ABTB2: variants seen among roughly 807,000 people sequenced by gnomAD.
The protein encoded by ABTB2 is ankyrin repeat and BTB domain containing 2, also known as ankyrin repeat and BTB/POZ domain-containing protein 2.
Under a neutral mutation model 104.1 loss-of-function variants are expected in ABTB2, and 56 were observed. That is an observed-to-expected ratio of 0.54 (90% CI 0.43 to 0.67). The LOEUF is 0.67. ABTB2 is among the 30% of genes least tolerant of loss of function. The pLI is 0.00. For synonymous variants in ABTB2, 606 were observed against 608.2 expected, an observed-to-expected ratio of 1.00 and a Z score of 0.05; for missense variants, 1,279 against 1,407.7, an observed-to-expected ratio of 0.91 and a Z score of 1.46.
At chr11:34,285,089 C>A (rs930248720) in intron 1 of ABTB2, among the ~76,000 whole-genome samples, 1 of 152,210 alleles carries the variant, frequency 6.6e-6, no homozygotes, top group African/African-American at 2.4e-5. Context: ...GGCCCAAGAA[C>A]AGCCCTGGCA....
intron 3 of ABTB2, among the ~76,000 whole-genome samples, chr11:34,181,532 C>A (rs776968957): frequency 6.6e-6 from 1 of 152,176 alleles, no homozygotes; most frequent in African/African-American, 2.4e-5. Context: ...TGAGGCCAGC[C>A]GGTTTGTGCC....
At chr11:34,254,323 C>T (rs59896943) in intron 1 of ABTB2, among the ~76,000 whole-genome samples, 2 of 152,138 alleles carry the variant, frequency 1.3e-5, no homozygotes, top group African/African-American at 4.8e-5. Context: ...TCACAGCTCA[C>T]TGCAGCCTCA....
At chr11:34,205,415 CTA>C (rs1371700662) in intron 1 of ABTB2, among the ~76,000 whole-genome samples, 1 of 152,230 alleles carries the variant, frequency 6.6e-6, no homozygotes, top group African/African-American at 2.4e-5. Flanking sequence ...CTCCAACTCA[CTA>C]TGTGGCTTCT....
chr11:34,234,573 C>G (rs1195670564), intron 1 of ABTB2, among the ~76,000 whole-genome samples: 1 of 152,218 alleles, frequency 6.6e-6, no homozygotes, highest in Non-Finnish European at 1.5e-5. Context: ...CAAAGTCCAG[C>G]ATTGTGAGAA....
At chr11:34,325,230 A>G (rs1482181285) in intron 1 of ABTB2, among the ~76,000 whole-genome samples, 1 of 152,166 alleles carries the variant, frequency 6.6e-6, no homozygotes, top group Non-Finnish European at 1.5e-5. Context: ...CTAGTTTGGG[A>G]AAAAAGAGCC....
chr11:34,328,937 C>A lies in ABTB2; in HGVS notation c.883+27764G>T, dbSNP rs1855100026. 3.9e-5 allele frequency among the ~76,000 whole-genome samples: 6 copies of A among 152,114 alleles called. No homozygotes were observed. The South Asian group carries it at 1.2e-3, about 32-fold the overall frequency. On this transcript the variant is annotated intron_variant, in intron 1 of 16. Coordinates refer to ENST00000435224, the MANE Select transcript of ABTB2 (RefSeq NM_145804.3). ...ATAATTGTCAACACTCAGTTTAGACCAAACAGTTGAACTAAAACTTCAAGT... is the reference window on the plus strand; with the variant it reads ...ATAATTGTCAACACTCAGTTTAGACAAAACAGTTGAACTAAAACTTCAAGT...
At position 34,274,972 on chromosome 11, in the gene ABTB2, C is replaced by T. The variant is rs115692215; in HGVS notation, c.884-70282G>A. On this transcript the variant is annotated intron_variant, in intron 1 of 16. Coordinates refer to ENST00000435224, the MANE Select transcript of ABTB2 (RefSeq NM_145804.3). ...CCAGCAGCCTGGATGCTCCGACTCC[C>T]GCCTGGGGCCTGAATCCTGGCCTCT... Among the ~76,000 whole-genome samples the T allele has an allele frequency of 3.5e-3, 528 of 152,254 alleles. 2 individuals are homozygous for T. Among genetic ancestry groups the T allele is most frequent in the African/African-American group, 0.012 (510 of 41,566 alleles).
intron 1 of ABTB2, among the ~76,000 whole-genome samples, chr11:34,279,428 T>A (rs903419232): frequency 6.6e-6 from 1 of 152,092 alleles, no homozygotes; most frequent in African/African-American, 2.4e-5. Context: ...CTCATTATAA[T>A]CCTATAAAGA....
chr11:34,324,370 A>C (rs984951547), intron 1 of ABTB2, among the ~76,000 whole-genome samples: 3 of 152,216 alleles, frequency 2.0e-5, no homozygotes, highest in Admixed American at 2.0e-4. Context: ...GATAGGCATC[A>C]TCAATGGATT....
rs1047770074 is a variant in ABTB2 at position 34,255,601 on chromosome 11, GTTCAAC to G, written c.884-50917_884-50912del. On this transcript the variant is annotated intron_variant, in intron 1 of 16. Transcript: ENST00000435224. Reference sequence around the variant, plus strand: ...TCAAGCGATTTCAACTTCAACTCAAGTTCAACTTCAACTTCAAGCAATTCTTGTGTC... The same window carrying G: ...TCAAGCGATTTCAACTTCAACTCAAGTTCAACTTCAAGCAATTCTTGTGTC... Among the ~76,000 whole-genome samples, 3 of 151,856 alleles carry G rather than the reference GTTCAAC, an allele frequency of 2.0e-5. No individual in the cohort carries two copies. The South Asian group carries it at 6.2e-4, about 32-fold the overall frequency.
intron 1 of ABTB2, among the ~76,000 whole-genome samples, chr11:34,350,036 C>T (rs1454061863): frequency 6.6e-6 from 1 of 152,208 alleles, no homozygotes; most frequent in Non-Finnish European, 1.5e-5. Context: ...GTACAAGCCT[C>T]TCATTTTACA....
intron 2 of ABTB2, among the ~76,000 whole-genome samples, chr11:34,203,030 T>C (rs780703720): frequency 5.3e-5 from 8 of 152,080 alleles, no homozygotes; most frequent in Non-Finnish European, 8.8e-5. Flanking sequence ...GCTCCTCCCT[T>C]AGGCTGGGCT....
chr11:34,343,475 A>T (rs548184667), intron 1 of ABTB2, among the ~76,000 whole-genome samples: 1 of 151,778 alleles, frequency 6.6e-6, no homozygotes. Context: ...ACACACATAC[A>T]CACACTTTTT....
chr11:34,186,694 C>T (rs1392111575), intron 3 of ABTB2, among the ~76,000 whole-genome samples: 2 of 152,172 alleles, frequency 1.3e-5, no homozygotes, highest in African/African-American at 4.8e-5. Context: ...TGTCAGAGGC[C>T]GGGCCAGGAT....
chr11:34,186,676 G>A (rs1338983652), intron 3 of ABTB2, among the ~76,000 whole-genome samples: 1 of 152,186 alleles, frequency 6.6e-6, no homozygotes, highest in East Asian at 1.9e-4. Flanking sequence ...CCAGCCCTGG[G>A]GGGTGCTTGT....
At chr11:34,216,046 C>T (rs1452573525) in intron 1 of ABTB2, among the ~76,000 whole-genome samples, 1 of 152,214 alleles carries the variant, frequency 6.6e-6, no homozygotes, top group African/African-American at 2.4e-5. Flanking sequence ...CCTAATAATA[C>T]ACCAGAAGCA....
intron 1 of ABTB2, among the ~76,000 whole-genome samples, chr11:34,303,581 A>AAG (rs1178928949): frequency 6.6e-6 from 1 of 151,562 alleles, no homozygotes; most frequent in Non-Finnish European, 1.5e-5. Context: ...AAATGAAAAA[A>AAG]AATAGTAATA....
At chr11:34,197,655 A>C (rs146053104) in intron 2 of ABTB2, 117 bp from the exon 3 acceptor site, 1 of 735,352 alleles carries the variant, frequency 1.4e-6, no homozygotes, top group Non-Finnish European at 2.2e-6. Flanking sequence ...GCCTTAGTGC[A>C]TAATTACTGT....
Position 34,152,550 on chromosome 11 carries a change from TCA to T in ABTB2, c.2913_2914del (p.Cys971Ter). 6.2e-7 allele frequency: 1 copy of T among 1,612,878 alleles called. No individual in the cohort carries two copies. Among genetic ancestry groups the T allele is most frequent in the East Asian group, 2.2e-5 (1 of 44,864 alleles). ...CTTCATGTGCTTGAGGAAGAAGCCC[TCA>T]CAGAACAGGGCCAGTTCTGGGGCAT... On this transcript the variant is annotated stop_gained and frameshift_variant, in exon 17 of 17. Transcript: ENST00000435224. LOFTEE classifies it high-confidence loss of function.
Sources: allele counts gnomAD v4.1 joint callset (sites outside exome capture counted in the v4.1 genomes callset), GRCh38; gene constraint gnomAD v4.1.1; transcripts MANE v1.5; gene names NCBI Gene and HGNC (gene_info 2026-07-23, HGNC 2026-07-21).